Variants in SLC1A1 observed in about 807,000 individuals in gnomAD.
SLC1A1 encodes the protein solute carrier family 1 member 1.
A neutral mutation model predicts 53.3 loss-of-function variants in SLC1A1; 43 were observed. That is an observed-to-expected ratio of 0.81 (90% CI 0.63 to 1.04). SLC1A1 has a LOEUF of 1.04. Among genes scored for constraint, SLC1A1 ranks in the 50% least tolerant of loss-of-function variants. The probability of loss-of-function intolerance (pLI) is 0.00; values close to 1 mark genes in which losing one functional copy is unlikely to be tolerated. For synonymous variants in SLC1A1, 307 were observed against 243.2 expected (o/e 1.26, Z -2.44); for missense variants, 748 against 664.9 (o/e 1.12, Z -1.37).
intron 2 of SLC1A1, among the ~76,000 whole-genome samples, chr9:4,560,839 T>C (rs1193994331): frequency 6.6e-6 from 1 of 151,796 alleles, no homozygotes. Flanking sequence ...CTACTAACAA[T>C]ACAAAAATTA....
At chr9:4,538,412 C>G (rs1586726585) in intron 1 of SLC1A1, among the ~76,000 whole-genome samples, 1 of 152,154 alleles carries the variant, frequency 6.6e-6, no homozygotes, top group African/African-American at 2.4e-5. Context: ...TATCTTTGAG[C>G]GGAGGGATAA....
At chr9:4,565,516 G>C (rs113346633) in intron 4 of SLC1A1, among the ~76,000 whole-genome samples, 4 of 152,298 alleles carry the variant, frequency 2.6e-5, no homozygotes, top group African/African-American at 7.2e-5. Context: ...GCAGGAGAGA[G>C]AGCAAGGGCG....
intron 1 of SLC1A1, among the ~76,000 whole-genome samples, chr9:4,522,096 G>C (rs1358126516): frequency 7.1e-6 from 1 of 140,224 alleles, no homozygotes; most frequent in African/African-American, 2.7e-5. Flanking sequence ...CTGTCGCCCA[G>C]GCTGGAGTGC....
At chr9:4,545,363 G>A (rs1817400707) in intron 2 of SLC1A1, among the ~76,000 whole-genome samples, 1 of 152,094 alleles carries the variant, frequency 6.6e-6, no homozygotes, top group African/African-American at 2.4e-5. Context: ...GTGATGTCTT[G>A]GGAGGAAAAT....
chr9:4,507,608 T>C (rs1049580313), intron 1 of SLC1A1, among the ~76,000 whole-genome samples: 18 of 152,078 alleles, frequency 1.2e-4, no homozygotes, highest in African/African-American at 4.3e-4. Context: ...TCAGGCAGCA[T>C]GGTTGGGAGT....
chr9:4,561,406 G>A (rs1206403913), intron 2 of SLC1A1, 43 bp from the exon 3 acceptor site: 1 of 1,216,660 alleles, frequency 8.2e-7, no homozygotes, highest in Non-Finnish European at 1.2e-6. Context: ...CTGGAAACCT[G>A]TCTTTTAAAA....
intron 3 of SLC1A1, among the ~76,000 whole-genome samples, chr9:4,562,663 T>C (rs10815022): frequency 0.24 from 35,812 of 151,684 alleles, 4,856 homozygotes; most frequent in East Asian, 0.46. Context: ...TGAGAATATG[T>C]GGTGTTTGGT....
At chr9:4,522,373 C>T (rs1279617109) in intron 1 of SLC1A1, among the ~76,000 whole-genome samples, 1 of 151,956 alleles carries the variant, frequency 6.6e-6, no homozygotes, top group Non-Finnish European at 1.5e-5. Flanking sequence ...TTAACAAGAC[C>T]CCAAGGTGAT....
At chr9:4,532,255 A>T (rs933654621) in intron 1 of SLC1A1, among the ~76,000 whole-genome samples, 1 of 152,318 alleles carries the variant, frequency 6.6e-6, no homozygotes, top group South Asian at 2.1e-4. Flanking sequence ...CAGATGATCA[A>T]ACTACTCTGA....
At chr9:4,569,990 G>T (rs911254955) in intron 6 of SLC1A1, among the ~76,000 whole-genome samples, 5 of 152,198 alleles carry the variant, frequency 3.3e-5, no homozygotes, top group African/African-American at 1.2e-4. Flanking sequence ...TGTTAAATTA[G>T]TCTGGAGGCC....
chr9:4,525,902 A>C (rs1314115297), intron 1 of SLC1A1, among the ~76,000 whole-genome samples: 1 of 152,230 alleles, frequency 6.6e-6, no homozygotes, highest in Non-Finnish European at 1.5e-5. Flanking sequence ...AAATCACAAC[A>C]TAGATTTATA....
chr9:4,494,522 GCT>G (rs2130789046), intron 1 of SLC1A1, among the ~76,000 whole-genome samples: 1 of 152,086 alleles, frequency 6.6e-6, no homozygotes, highest in South Asian at 2.1e-4. Flanking sequence ...TTGATGACCT[GCT>G]CTGTCTGAGC....
chr9:4,545,809 A>C (rs948032731), intron 2 of SLC1A1, among the ~76,000 whole-genome samples: 1 of 152,194 alleles, frequency 6.6e-6, no homozygotes, highest in African/African-American at 2.4e-5. Context: ...AGGTAGATAG[A>C]GATGAATTTG....
intron 1 of SLC1A1, among the ~76,000 whole-genome samples, chr9:4,525,916 T>C (rs1816241249): frequency 6.6e-6 from 1 of 152,196 alleles, no homozygotes; most frequent in Non-Finnish European, 1.5e-5. Context: ...ATTTATAAGA[T>C]ATTTAGAACT....
intron 1 of SLC1A1, among the ~76,000 whole-genome samples, chr9:4,518,355 T>C (rs1290398448): frequency 4.6e-5 from 7 of 151,232 alleles, no homozygotes; most frequent in Non-Finnish European, 8.9e-5. Flanking sequence ...TGCATGGGGT[T>C]TTTTGTGGTT....
intron 1 of SLC1A1, among the ~76,000 whole-genome samples, chr9:4,498,393 T>C (rs1433974731): frequency 6.6e-6 from 1 of 152,134 alleles, no homozygotes; most frequent in Admixed American, 6.6e-5. Flanking sequence ...ACTTTATATG[T>C]CTCTAATTTA....
intron 7 of SLC1A1, among the ~76,000 whole-genome samples, chr9:4,573,596 C>T (rs1454080246): frequency 6.6e-6 from 1 of 152,096 alleles, no homozygotes. Context: ...GGACAATCAG[C>T]AGGATATATA....
At chr9:4,518,693 C>G (rs1815952635) in intron 1 of SLC1A1, among the ~76,000 whole-genome samples, 1 of 152,152 alleles carries the variant, frequency 6.6e-6, no homozygotes, top group African/African-American at 2.4e-5. Flanking sequence ...CAGTCCCATT[C>G]TGTCCATCAA....
At chr9:4,515,559 G>A (rs1223652024) in intron 1 of SLC1A1, among the ~76,000 whole-genome samples, 1 of 152,106 alleles carries the variant, frequency 6.6e-6, no homozygotes, top group Admixed American at 6.6e-5. Context: ...GATCCCTGTG[G>A]GAGAGTGTGC....
Sources: gnomAD v4.1 joint callset for allele counts (sites outside exome capture counted in the v4.1 genomes callset) on GRCh38, gnomAD v4.1.1 for gene constraint, MANE v1.5 for transcripts, NCBI Gene and HGNC (gene_info 2026-07-23, HGNC 2026-07-21) for gene names.